Variants in HSPA4 observed in about 807,000 individuals in gnomAD.
HSPA4 encodes heat shock protein family A (Hsp70) member 4, also known as heat shock 70 kDa protein 4.
A neutral mutation model predicts 106.2 loss-of-function variants in HSPA4; 25 were observed. That is an observed-to-expected ratio of 0.24 (90% confidence interval 0.17 to 0.33). HSPA4 has a LOEUF of 0.33. HSPA4 is among the 10% of genes least tolerant of loss of function. The pLI, the probability that HSPA4 is intolerant of heterozygous loss-of-function variation, is 1.00. For missense variants in HSPA4, 841 were observed against 996.0 expected (o/e 0.84, Z 2.10); for synonymous variants, 332 against 333.6 (o/e 1.00, Z 0.05).
rs1218140397 is a variant in HSPA4 at position 133,052,238 on chromosome 5, A to G, written c.-13A>G. 1.3e-6 allele frequency: 2 copies of G among 1,565,818 alleles called. No individual in the cohort carries two copies. The highest frequency in any genetic ancestry group is 1.7e-6 in the Non-Finnish European group (2 of 1,157,382). ...GCCGGACCCGGGCCCGAGCCCGAGC[A>G]GTAGCCGGCGCCATGTCGGTGGTGG... On this transcript the variant is annotated 5_prime_UTR_variant, in exon 1 of 19. Transcript: ENST00000304858.
At chr5:133,060,406 A>C (rs1765226348) in intron 1 of HSPA4, among the ~76,000 whole-genome samples, 1 of 151,684 alleles carries the variant, frequency 6.6e-6, no homozygotes, top group Non-Finnish European at 1.5e-5. Flanking sequence ...TCTGTCGCCC[A>C]GGCCGGAATG....
In HSPA4 at chr5:133,104,045, T is replaced by A. The variant is rs749882908; in HGVS notation, c.2319+19T>A. The A allele has an allele frequency of 1.9e-6, 3 of 1,591,056 alleles. No individual in the cohort carries two copies. The highest frequency in any genetic ancestry group is 2.7e-5 in the African/African-American group (2 of 74,088). On this transcript the variant is annotated intron_variant, in intron 18 of 18. Coordinates refer to ENST00000304858, the MANE Select transcript of HSPA4 (RefSeq NM_002154.4). ...AATTAAGGTAATTTAAGACTTTTTT[T>A]TAATAGTCTTTTCTTGACAGCCTTA...
intron 7 of HSPA4, among the ~76,000 whole-genome samples, chr5:133,081,139 C>A (rs1765510009): frequency 6.6e-6 from 1 of 152,086 alleles, no homozygotes; most frequent in Non-Finnish European, 1.5e-5. Flanking sequence ...CCTCCACCTC[C>A]CGGGTTTAAA....
chr5:133,070,522 G>T, intron 4 of HSPA4, 26 bp downstream of exon 4: 1 of 1,610,944 alleles, frequency 6.2e-7, no homozygotes, highest in South Asian at 1.1e-5. Context: ...ATACATTATT[G>T]GGAATTTGCA....
At chr5:133,097,615 C>G (rs1581481368) in intron 15 of HSPA4, among the ~76,000 whole-genome samples, 1 of 143,710 alleles carries the variant, frequency 7.0e-6, no homozygotes, top group East Asian at 2.1e-4. Flanking sequence ...GTGGCGTGAT[C>G]TCGGCTCACT....
chr5:133,092,751 A>G lies in HSPA4; in HGVS notation c.1612A>G (p.Thr538Ala). The G allele has an allele frequency of 6.2e-7, 1 of 1,611,650 alleles. No homozygotes were observed. The highest frequency in any genetic ancestry group is 8.5e-7 in the Non-Finnish European group (1 of 1,178,774). ...ACATGTTGAAGAGCAACAGCAGCAG[A>G]CACCAGCAGAAAATAAGGCAGAGTC... Reference protein sequence around the residue: ...EPHVEEQQQQTPAENKAESEE... With the variant: ...EPHVEEQQQQAPAENKAESEE... The change falls in exon 13 of 19, where the codon ACA becomes GCA. Residue 538 changes from threonine to alanine, a missense_variant. Thr to Ala is a moderately conservative substitution (Grantham distance 58, BLOSUM62 0). This residue lies in a region of HSPA4 where 328 missense variants were observed against 372.2 expected (regional missense o/e 0.88). Transcript: ENST00000304858.
In HSPA4 at chr5:133,092,451, C is replaced by T. The variant is rs1002121400; in HGVS notation, c.1561-249C>T. ...GTACTTAATGGTGTACAAAGCAGTTCCACAGTTATTCTTGTGTATGTAAGG... is the reference window on the plus strand; with the variant it reads ...GTACTTAATGGTGTACAAAGCAGTTTCACAGTTATTCTTGTGTATGTAAGG... On this transcript the variant is annotated intron_variant, in intron 12 of 18. Coordinates refer to ENST00000304858, the MANE Select transcript of HSPA4 (RefSeq NM_002154.4). 1.4e-4 allele frequency among the ~76,000 whole-genome samples: 22 copies of T among 152,084 alleles called. 1 individual carries two copies. Among genetic ancestry groups the T allele is most frequent in the African/African-American group, 4.6e-4 (19 of 41,394 alleles).
intron 1 of HSPA4, among the ~76,000 whole-genome samples, chr5:133,063,453 G>A (rs1197893728): frequency 6.6e-6 from 1 of 151,758 alleles, no homozygotes; most frequent in Non-Finnish European, 1.5e-5. Flanking sequence ...TTTTTGAGAC[G>A]GAGTCTCGCT....
rs368924343 is a variant in HSPA4, at chr5:133,086,837, C to T, written c.964C>T (p.Arg322Cys). 59 of 1,612,806 alleles carry T rather than the reference C, an allele frequency of 3.7e-5. No individual in the cohort carries two copies. Among genetic ancestry groups the T allele is most frequent in the Admixed American group, 6.7e-5 (4 of 59,998 alleles). ...CTTAGCTAGAGTGGAGCCACCACTT[C>T]GTAGTGTTTTGGAACAAACCAGTAA... ...DLLARVEPPL[R>C]SVLEQTKLKK... Residue 322 changes from arginine to cysteine, a missense_variant, in exon 8 of 19, where the codon CGT (arginine) becomes TGT (cysteine). Transcript: ENST00000304858.
chr5:133,064,905 A>G, intron 1 of HSPA4, 75 bp from the exon 2 acceptor site: 1 of 1,244,670 alleles, frequency 8.0e-7, no homozygotes, highest in Non-Finnish European at 1.2e-6. Flanking sequence ...GCTGATACTC[A>G]GATCTTGCCT....
intron 3 of HSPA4, among the ~76,000 whole-genome samples, 176 bp downstream of exon 3, chr5:133,067,733 T>C (rs900954023): frequency 3.3e-5 from 5 of 152,156 alleles, no homozygotes; most frequent in African/African-American, 1.2e-4. Flanking sequence ...GGATGTTGGT[T>C]GGGAGCCATG....
intron 7 of HSPA4, among the ~76,000 whole-genome samples, chr5:133,078,679 C>T (rs997508957): frequency 6.0e-5 from 9 of 148,818 alleles, no homozygotes; most frequent in Non-Finnish European, 1.2e-4. Context: ...TTTACATCAT[C>T]AGAATACGTA....
intron 2 of HSPA4, among the ~76,000 whole-genome samples, chr5:133,066,890 A>G (rs969344980): frequency 2.6e-5 from 4 of 151,580 alleles, no homozygotes; most frequent in Non-Finnish European, 4.4e-5. Flanking sequence ...AATTTTTTGT[A>G]TTTTTAGTAG....
Position 133,104,686 on chromosome 5 carries a change from C to A in HSPA4, c.*250C>A. 1 of 446,820 alleles carries A rather than the reference C, an allele frequency of 2.2e-6. No individual in the cohort carries two copies. The allele number at this position is 446,820 out of a possible 1,614,324, so 27.7% of individuals were successfully genotyped here. A position where few individuals can be genotyped will look rare whatever the true frequency, so the allele number is the denominator to read the frequency against. ...CCCAGTTAGTCTTACTGAGCTTATG[C>A]TTCACTCCTTTATGTTTAACCATGT... On this transcript the variant is annotated 3_prime_UTR_variant, in exon 19 of 19. Transcript: ENST00000304858.
Position 133,052,222 on chromosome 5 carries a change from G to T in HSPA4, c.-29G>T. On this transcript the variant is annotated 5_prime_UTR_variant, in exon 1 of 19. Coordinates refer to ENST00000304858, the MANE Select transcript of HSPA4 (RefSeq NM_002154.4). Reference sequence around the variant, plus strand: ...GTGTCCTGTCTCGGTGGCCGGACCCGGGCCCGAGCCCGAGCAGTAGCCGGC... The same window carrying T: ...GTGTCCTGTCTCGGTGGCCGGACCCTGGCCCGAGCCCGAGCAGTAGCCGGC... 1 of 1,506,848 alleles carries T rather than the reference G, an allele frequency of 6.6e-7. No individual in the cohort carries two copies. The highest frequency in any genetic ancestry group is 9.0e-7 in the Non-Finnish European group (1 of 1,113,830). 93.3% of individuals were successfully genotyped at this position (1,506,848 alleles called of 1,614,324 possible). A position where few individuals can be genotyped will look rare whatever the true frequency, so the allele number is the denominator to read the frequency against.
Position 133,052,016 on chromosome 5 carries a change from A to C in HSPA4, c.-235A>C, listed in dbSNP as rs1765082378. On this transcript the variant is annotated 5_prime_UTR_variant, in exon 1 of 19. Transcript: ENST00000304858. ...TCTCGTCGCAACGAGATCTTTCGAG[A>C]TCTTCTCCGCCCCCGCTACCGGCGC... The C allele has an allele frequency of 3.7e-6, 2 of 543,824 alleles. No homozygotes were observed. The highest frequency in any genetic ancestry group is 6.5e-6 in the Non-Finnish European group (2 of 307,092). The allele number at this position is 543,824 out of a possible 1,614,324, so 33.7% of individuals were successfully genotyped here.
chr5:133,058,852 G>T (rs531819839), intron 1 of HSPA4, among the ~76,000 whole-genome samples: 68 of 152,218 alleles, frequency 4.5e-4, no homozygotes, highest in African/African-American at 1.3e-3. Context: ...AATTGGCCGG[G>T]TGTGGTGGCT....
In HSPA4 at chr5:133,097,386, A is replaced by G. The variant is rs1413783587; in HGVS notation, c.1929+100A>G. On this transcript the variant is annotated intron_variant, in intron 15 of 18. Coordinates refer to ENST00000304858, the MANE Select transcript of HSPA4 (RefSeq NM_002154.4). ...GCAGCTATATGTGTATAGTAGAATTATTAAAAATGGAGTTTTTCTGGGGGG... is the reference window on the plus strand; with the variant it reads ...GCAGCTATATGTGTATAGTAGAATTGTTAAAAATGGAGTTTTTCTGGGGGG... The G allele has an allele frequency of 2.9e-6, 3 of 1,051,582 alleles. No homozygotes were observed. In the African/African-American group the frequency reaches 4.8e-5, roughly 17 times the overall value. The allele number at this position is 1,051,582 out of a possible 1,614,324, so 65.1% of individuals were successfully genotyped here. A position where few individuals can be genotyped will look rare whatever the true frequency, so the allele number is the denominator to read the frequency against.
chr5:133,072,939 T>C (rs6897211), intron 4 of HSPA4, among the ~76,000 whole-genome samples: 55,379 of 152,042 alleles, frequency 0.36, 12,136 homozygotes, highest in African/African-American at 0.62. Context: ...TGCAAGCAGG[T>C]GTTTTCTAAG....
Sources: allele counts gnomAD v4.1 joint callset (sites outside exome capture counted in the v4.1 genomes callset), GRCh38; gene constraint gnomAD v4.1.1; regional missense constraint gnomAD v4.1.1; transcripts MANE v1.5; gene names NCBI Gene and HGNC (gene_info 2026-07-23, HGNC 2026-07-21).